CA1: variants seen among roughly 807,000 people sequenced by gnomAD.
CA1 encodes carbonate dehydratase I.
In CA1, 27 loss-of-function variants were observed where a neutral mutation model predicts 28.8. That is an observed-to-expected ratio of 0.94 (90% confidence interval 0.69 to 1.29). CA1 has a LOEUF of 1.29. CA1 is among the 50% of genes most tolerant of loss of function. The pLI, the probability that CA1 is intolerant of heterozygous loss-of-function variation, is 0.00. For missense variants in CA1, 335 were observed against 310.5 expected, an observed-to-expected ratio of 1.08 and a Z score of -0.59; for synonymous variants, 121 against 108.8, an observed-to-expected ratio of 1.11 and a Z score of -0.70.
intron 1 of CA1, among the ~76,000 whole-genome samples, chr8:85,372,413 G>C (rs1810261635): frequency 6.6e-6 from 1 of 152,162 alleles, no homozygotes; most frequent in African/African-American, 2.4e-5. Context: ...GCAGTATGGT[G>C]ATTCCTCAAA....
intron 6 of CA1, among the ~76,000 whole-genome samples, chr8:85,331,647 G>A (rs974111438): frequency 6.6e-6 from 1 of 151,812 alleles, no homozygotes; most frequent in Non-Finnish European, 1.5e-5. Context: ...TAGTAGAGAT[G>A]GGATTTCACT....
chr8:85,329,553 A>G, intron 7 of CA1, 136 bp downstream of exon 7: 1 of 825,368 alleles, frequency 1.2e-6, no homozygotes, highest in Non-Finnish European at 2.0e-6. Flanking sequence ...ATGTCCCCAA[A>G]TTAATATTTT....
chr8:85,353,223 A>G (rs1809477346), intron 1 of CA1, among the ~76,000 whole-genome samples: 1 of 152,238 alleles, frequency 6.6e-6, no homozygotes, highest in Admixed American at 6.5e-5. Context: ...AATTCAGCTC[A>G]CTTGGGTAGC....
intron 1 of CA1, among the ~76,000 whole-genome samples, chr8:85,354,935 T>G (rs1809548806): frequency 1.3e-5 from 2 of 152,176 alleles, no homozygotes; most frequent in South Asian, 4.1e-4. Context: ...GCAACTCAGC[T>G]TTCTGGACCT....
At chr8:85,345,247 T>C (rs1417590525) in intron 1 of CA1, among the ~76,000 whole-genome samples, 1 of 152,218 alleles carries the variant, frequency 6.6e-6, no homozygotes. Context: ...TTAGGACCTT[T>C]GTGCTTGCTG....
At position 85,336,975 on chromosome 8, in the gene CA1, A is replaced by T; in HGVS notation, c.324T>A (p.His108Gln). 6.2e-7 allele frequency: 1 copy of T among 1,610,380 alleles called. No homozygotes were observed. ...WGSTNEHGSEHTVDGVKYSAE... is the reference protein window; with the variant it reads ...WGSTNEHGSEQTVDGVKYSAE... ...CAGAATATTTGACTCCATCCACTGT[A>T]TGTTCTGAACCATGCTCATTTGTAC... The change falls in exon 4 of 8, where the codon CAT becomes CAA. Residue 108 changes from histidine to glutamine, a missense_variant. His to Gln is a conservative substitution (Grantham distance 24, BLOSUM62 0). Transcript: ENST00000523022.
At chr8:85,344,297 A>T (rs112659773) in intron 1 of CA1, among the ~76,000 whole-genome samples, 38 of 54,926 alleles carry the variant, frequency 6.9e-4, no homozygotes, top group Non-Finnish European at 3.9e-4. Flanking sequence ...TACAGTATAT[A>T]ATATAATTAT....
Position 85,353,714 on chromosome 8 carries a change from T to C in CA1, c.-24-12055A>G, listed in dbSNP as rs73691825. ...CTTTGCAACGTTCTTTTTTATGGCT[T>C]GCCATTGTTTATTTAGCCATTCCTC... On this transcript the variant is annotated intron_variant, in intron 1 of 7. Transcript: ENST00000523022. Among the ~76,000 whole-genome samples the C allele has an allele frequency of 2.6e-3, 398 of 152,324 alleles. 2 individuals are homozygous for C. Among genetic ancestry groups the C allele is most frequent in the African/African-American group, 8.5e-3 (354 of 41,576 alleles).
chr8:85,346,403 A>T (rs1218269457), intron 1 of CA1, among the ~76,000 whole-genome samples: 1 of 152,220 alleles, frequency 6.6e-6, no homozygotes, highest in African/African-American at 2.4e-5. Flanking sequence ...TATAGAACAG[A>T]TAATGACACT....
chr8:85,360,314 C>T lies in CA1; in HGVS notation c.-25+17732G>A, dbSNP rs143622374. 2.0e-3 allele frequency among the ~76,000 whole-genome samples: 300 copies of T among 152,304 alleles called. 1 individual carries two copies. Among genetic ancestry groups the T allele is most frequent in the African/African-American group, 7.0e-3 (289 of 41,566 alleles). ...AGGCCTAAATGTAAAATTAAAGGCA[C>T]TGCTGACCTTTTCCTGTCAATCTAA... is the stretch of plus-strand genomic sequence containing the variant. On this transcript the variant is annotated intron_variant, in intron 1 of 7. Transcript: ENST00000523022.
chr8:85,337,075 G>T lies in CA1; in HGVS notation c.236-12C>A. ...ACCACCTTTCAGCACTGGAAGAAAA[G>T]GGAACCGATTGTTAGCCTGATGCTC... On this transcript the variant is annotated splice_polypyrimidine_tract_variant and intron_variant, in intron 3 of 7. Coordinates refer to ENST00000523022, the MANE Select transcript of CA1 (RefSeq NM_001128831.4). The T allele has an allele frequency of 6.9e-7, 1 of 1,453,046 alleles. No individual in the cohort carries two copies. Among genetic ancestry groups the T allele is most frequent in the South Asian group, 1.1e-5 (1 of 87,858 alleles). 90.0% of individuals were successfully genotyped at this position (1,453,046 alleles called of 1,614,324 possible). A position where few individuals can be genotyped will look rare whatever the true frequency, so the allele number is the denominator to read the frequency against.
intron 1 of CA1, among the ~76,000 whole-genome samples, chr8:85,367,623 G>T (rs1810061211): frequency 6.6e-6 from 1 of 152,216 alleles, no homozygotes; most frequent in South Asian, 2.1e-4. Flanking sequence ...CAGAGTTTCT[G>T]ATTCAGTAGG....
chr8:85,362,425 C>T, intron 1 of CA1, among the ~76,000 whole-genome samples: 1 of 152,090 alleles, frequency 6.6e-6, no homozygotes, highest in Non-Finnish European at 1.5e-5. Flanking sequence ...CAAGGGAAAA[C>T]TTCTCAAGGA....
chr8:85,358,924 C>T (rs916323452), intron 1 of CA1, among the ~76,000 whole-genome samples: 1 of 152,140 alleles, frequency 6.6e-6, no homozygotes, highest in Non-Finnish European at 1.5e-5. Flanking sequence ...ACAGAAATAT[C>T]CACCCATCAA....
chr8:85,368,643 C>T (rs1315430562), intron 1 of CA1, among the ~76,000 whole-genome samples: 1 of 151,484 alleles, frequency 6.6e-6, no homozygotes, highest in Non-Finnish European at 1.5e-5. Flanking sequence ...TTTGAGTTTC[C>T]CTATAATTGT....
At position 85,338,359 on chromosome 8, in the gene CA1, G is replaced by A. The variant is rs1430975961; in HGVS notation, c.128C>T (p.Thr43Ile). ...DIKTSETKHDTSLKPISVSYN... is the reference protein window; with the variant it reads ...DIKTSETKHDISLKPISVSYN... ...GGAGACACTAATAGGTTTCAGAGAG[G>A]TGTCATGTTTGGTTTCACTGGTTTT... is the stretch of plus-strand genomic sequence containing the variant. The change falls in exon 3 of 8, where the codon ACC (threonine) becomes ATC (isoleucine). Residue 43 changes from threonine (T) to isoleucine (I), a missense_variant. Transcript: ENST00000523022. 6.2e-7 allele frequency: 1 copy of A among 1,613,678 alleles called. No individual in the cohort carries two copies. Among genetic ancestry groups the A allele is most frequent in the South Asian group, 1.1e-5 (1 of 91,068 alleles).
chr8:85,332,680 G>A (rs1374466784), intron 5 of CA1, 128 bp from the exon 6 acceptor site: 3 of 720,334 alleles, frequency 4.2e-6, no homozygotes, highest in Non-Finnish European at 7.4e-6. Context: ...TGCTTTAGAA[G>A]GGGAGATTTT....
intron 1 of CA1, among the ~76,000 whole-genome samples, chr8:85,366,167 T>C (rs1483336184): frequency 2.9e-5 from 4 of 137,238 alleles, no homozygotes; most frequent in East Asian, 2.2e-4. Context: ...TTCTTCCCCT[T>C]TTTTTTTTTT....
chr8:85,328,525 G>A lies in CA1; in HGVS notation c.*35C>T, dbSNP rs374862312. 2.2e-4 allele frequency: 247 copies of A among 1,134,264 alleles called. 3 individuals carry two copies. The African/African-American group carries it at 3.6e-3, about 17-fold the overall frequency. 70.3% of individuals were successfully genotyped at this position (1,134,264 alleles called of 1,614,324 possible). On this transcript the variant is annotated 3_prime_UTR_variant, in exon 8 of 8. Transcript: ENST00000523022. ...TGGATTATGTCAGAAGCAGGGCTGT[G>A]TTCTTGAGGAAGGACAAGTTTCTTC...
Sources: gnomAD v4.1 joint callset for allele counts (sites outside exome capture counted in the v4.1 genomes callset) on GRCh38, gnomAD v4.1.1 for gene constraint, MANE v1.5 for transcripts, NCBI Gene and HGNC (gene_info 2026-07-23, HGNC 2026-07-21) for gene names.